The following FAM193A variants were observed in gnomAD, a reference collection of about 807,000 sequenced individuals.
FAM193A encodes family with sequence similarity 193 member A.
A neutral mutation model predicts 126.5 loss-of-function variants in FAM193A; 22 were observed. That is an observed-to-expected ratio of 0.17 (90% confidence interval 0.12 to 0.25). The LOEUF (loss-of-function observed/expected upper bound fraction) is 0.25. Ranked by LOEUF, FAM193A falls within the 10% of genes least tolerant of loss-of-function variation. The pLI, the probability that FAM193A is intolerant of heterozygous loss-of-function variation, is 1.00. For synonymous variants in FAM193A, 761 were observed against 646.8 expected (o/e 1.18, Z -2.68); for missense variants, 1,675 against 1,672.8 (o/e 1.00, Z -0.02).
chr4:2,569,652 C>T (rs1297283952), intron 1 of FAM193A, among the ~76,000 whole-genome samples: 1 of 151,866 alleles, frequency 6.6e-6, no homozygotes, highest in Non-Finnish European at 1.5e-5. Context: ...CATGCACCAC[C>T]ACACCCGGTT....
At chr4:2,593,165 C>CT (rs1740664906) in intron 1 of FAM193A, among the ~76,000 whole-genome samples, 1 of 152,224 alleles carries the variant, frequency 6.6e-6, no homozygotes, top group Non-Finnish European at 1.5e-5. Context: ...TTCTCCTCCT[C>CT]TCACACCTCA....
At chr4:2,565,953 A>G (rs1001201615) in intron 1 of FAM193A, among the ~76,000 whole-genome samples, 2 of 152,254 alleles carry the variant, frequency 1.3e-5, no homozygotes, top group Admixed American at 1.3e-4. Flanking sequence ...GGCTGTCAGT[A>G]GAAAGCTATC....
intron 1 of FAM193A, among the ~76,000 whole-genome samples, chr4:2,561,063 T>C (rs1368539103): frequency 6.6e-6 from 1 of 152,264 alleles, no homozygotes; most frequent in Non-Finnish European, 1.5e-5. Context: ...CTTGCTTTGC[T>C]TACTCTCCAG....
At chr4:2,549,404 T>C (rs968571543) in intron 1 of FAM193A, among the ~76,000 whole-genome samples, 1 of 141,710 alleles carries the variant, frequency 7.1e-6, no homozygotes, top group Non-Finnish European at 1.6e-5. Flanking sequence ...TCTTTTTTTT[T>C]TTTTTTTTTT....
chr4:2,727,277 A>T (rs1319418675), intron 20 of FAM193A, among the ~76,000 whole-genome samples: 1 of 152,140 alleles, frequency 6.6e-6, no homozygotes, highest in African/African-American at 2.4e-5. Context: ...AATTGTGACC[A>T]ATTGCTGTTA....
intron 1 of FAM193A, among the ~76,000 whole-genome samples, chr4:2,538,197 C>CTT (rs940079359): frequency 6.9e-6 from 1 of 144,756 alleles, no homozygotes. Context: ...ACAAATTGTT[C>CTT]TTTTTTTTTT....
chr4:2,630,889 C>T (rs750397636), intron 4 of FAM193A, 46 bp from the exon 5 acceptor site: 3 of 1,115,636 alleles, frequency 2.7e-6, no homozygotes, highest in Non-Finnish European at 4.0e-6. Flanking sequence ...TCAGAGCACC[C>T]ATGGGCCCTG....
rs540264895 is a variant in FAM193A at position 2,629,903 on chromosome 4, C to T, written c.804-1032C>T. ...GTCCCAGTACTTTGAGAGGCCAAGG[C>T]GGGCGGATCACAAGGTCAGGAGATC... On this transcript the variant is annotated intron_variant, in intron 4 of 20. Coordinates refer to ENST00000637812, the MANE Select transcript of FAM193A (RefSeq NM_001366318.2). Among the ~76,000 whole-genome samples the T allele has an allele frequency of 7.9e-5, 12 of 152,232 alleles. No individual in the cohort carries two copies. The South Asian group carries it at 1.2e-3, about 16-fold the overall frequency.
intron 1 of FAM193A, among the ~76,000 whole-genome samples, chr4:2,552,036 G>C (rs1737953569): frequency 7.9e-6 from 1 of 127,192 alleles, no homozygotes; most frequent in Non-Finnish European, 1.6e-5. Context: ...TTTCGAGACA[G>C]AGTCTTGCTC....
chr4:2,724,336 C>G (rs962079043), intron 20 of FAM193A, among the ~76,000 whole-genome samples: 5 of 152,092 alleles, frequency 3.3e-5, no homozygotes, highest in African/African-American at 4.8e-5. Flanking sequence ...AACCTCTAAA[C>G]TAGTCAAAAT....
chr4:2,660,173 C>A, intron 10 of FAM193A, 119 bp downstream of exon 10: 1 of 1,116,226 alleles, frequency 9.0e-7, no homozygotes, highest in Non-Finnish European at 1.3e-6. Context: ...TGACAAGGGA[C>A]CCTGAGGTTT....
intron 20 of FAM193A, among the ~76,000 whole-genome samples, chr4:2,726,536 G>A (rs1355729018): frequency 1.3e-5 from 2 of 152,030 alleles, no homozygotes; most frequent in South Asian, 2.1e-4. Context: ...GTTTGGCTCC[G>A]TTCCTCCTGT....
intron 1 of FAM193A, among the ~76,000 whole-genome samples, chr4:2,564,546 A>G (rs1738816813): frequency 6.6e-6 from 1 of 152,132 alleles, no homozygotes; most frequent in African/African-American, 2.4e-5. Context: ...GCCACCTACT[A>G]TTTGGGAAAA....
Position 2,647,363 on chromosome 4 carries a change from C to A in FAM193A, c.1311+531C>A, listed in dbSNP as rs190166457. Among the ~76,000 whole-genome samples, 617 of 152,226 alleles carry A rather than the reference C, an allele frequency of 4.1e-3. 4 individuals carry two copies. Among genetic ancestry groups the A allele is most frequent in the African/African-American group, 0.014 (598 of 41,520 alleles). ...GTTTCTCCATGTTGGTCAGGCTGGT[C>A]TCGAACTCCCGACCTCAGGTGGTTT... is the stretch of plus-strand genomic sequence containing the variant. On this transcript the variant is annotated intron_variant, in intron 7 of 20. Transcript: ENST00000637812.
chr4:2,701,982 G>T (rs201655549), intron 19 of FAM193A, among the ~76,000 whole-genome samples: 1 of 152,096 alleles, frequency 6.6e-6, no homozygotes, highest in South Asian at 2.1e-4. Flanking sequence ...TTGTTGGTCA[G>T]GCTGGTCTCA....
rs756055929 is a variant in FAM193A, at chr4:2,699,682, G to A, written c.3510G>A (p.Leu1170=). Residue 1170 remains leucine (L), a splice_region_variant and synonymous_variant, in exon 19 of 21, where the codon CTG becomes CTA. Coordinates refer to ENST00000637812, the MANE Select transcript of FAM193A (RefSeq NM_001366318.2). ...TTGCCTTCTTTTTGCATTGGCAGCT[G>A]GAGGAGAAAGCTCGCCTAGAAGCAG... The part of the protein sequence containing the change: ...AKRARHKQRK[L]EEKARLEAEA... 1.4e-5 allele frequency: 23 copies of A among 1,587,754 alleles called. No individual in the cohort carries two copies. Among genetic ancestry groups the A allele is most frequent in the Non-Finnish European group, 1.5e-5 (18 of 1,170,518 alleles).
At chr4:2,707,772 G>T (rs1176260672) in intron 19 of FAM193A, among the ~76,000 whole-genome samples, 3 of 149,856 alleles carry the variant, frequency 2.0e-5, no homozygotes, top group Non-Finnish European at 3.0e-5. Context: ...GAGTGCAGTG[G>T]CGCAATCTCG....
At chr4:2,636,626 T>C (rs1321590980) in intron 5 of FAM193A, among the ~76,000 whole-genome samples, 1 of 152,238 alleles carries the variant, frequency 6.6e-6, no homozygotes, top group East Asian at 1.9e-4. Flanking sequence ...TTGACAGTTT[T>C]ATTAATATAA....
rs765915671 is a variant in FAM193A, at chr4:2,690,829, A to G, written c.2662A>G (p.Asn888Asp). The change falls in exon 15 of 21, where the codon AAT becomes GAT. Residue 888 changes from asparagine (N) to aspartate (D), a missense_variant. Coordinates refer to ENST00000637812, the MANE Select transcript of FAM193A (RefSeq NM_001366318.2). ...TGCTGCAAAAAAGAAATGTTTATAC[A>G]ATTTCCAAGATGCTTTCATGGAAGC... The part of the protein sequence containing the change: ...KNAAKKKCLY[N>D]FQDAFMEANK... 1 of 1,614,242 alleles carries G rather than the reference A, an allele frequency of 6.2e-7. No homozygotes were observed. The highest frequency in any genetic ancestry group is 8.5e-7 in the Non-Finnish European group (1 of 1,180,046).
Sources: allele counts gnomAD v4.1 joint callset (sites outside exome capture counted in the v4.1 genomes callset), GRCh38; gene constraint gnomAD v4.1.1; transcripts MANE v1.5; gene names NCBI Gene and HGNC (gene_info 2026-07-23, HGNC 2026-07-21).